LRP1B: variants seen among roughly 807,000 people sequenced by gnomAD.
The protein encoded by LRP1B is LDL receptor related protein 1B.
In LRP1B, 217 loss-of-function variants were observed where a neutral mutation model predicts 556.6. The observed-to-expected ratio is 0.39, with a 90% CI of 0.35 to 0.44. The LOEUF is 0.44. Ranked by LOEUF, LRP1B falls within the 20% of genes least tolerant of loss-of-function variation. LRP1B has a pLI of 1.00. For missense variants in LRP1B, 5,053 were observed against 5,620.8 expected, an observed-to-expected ratio of 0.90 and a Z score of 3.23; for synonymous variants, 2,047 against 1,865.8, an observed-to-expected ratio of 1.10 and a Z score of -2.50.
intron 1 of LRP1B, among the ~76,000 whole-genome samples, chr2:141,881,300 A>G (rs1171022217): frequency 6.6e-6 from 1 of 152,126 alleles, no homozygotes; most frequent in Non-Finnish European, 1.5e-5. Flanking sequence ...TTAAAGTTTC[A>G]AAGTAACTGA....
In LRP1B at chr2:140,845,181, A is replaced by G. The variant is rs80113677; in HGVS notation, c.4940-4089T>C. ...AAACACAAACACCTGAATTCCTAAG[A>G]ACAGGTCTCTACTGTGCTACTAGAA... On this transcript the variant is annotated intron_variant, in intron 29 of 90. Transcript: ENST00000389484. Among the ~76,000 whole-genome samples, 749 of 152,310 alleles carry G rather than the reference A, an allele frequency of 4.9e-3. 9 individuals are homozygous for G. The highest frequency in any genetic ancestry group is 7.9e-3 in the Admixed American group (121 of 15,294).
chr2:140,342,393 C>A (rs1681441661), intron 77 of LRP1B, among the ~76,000 whole-genome samples: 2 of 151,460 alleles, frequency 1.3e-5, no homozygotes, highest in Admixed American at 6.6e-5. Context: ...TTATTAGGAT[C>A]TCTATCATAG....
chr2:141,418,390 C>T (rs1237618774), intron 3 of LRP1B, among the ~76,000 whole-genome samples: 1 of 150,930 alleles, frequency 6.6e-6, no homozygotes, highest in Non-Finnish European at 1.5e-5. Flanking sequence ...GTCTTTCATC[C>T]ATTTGGAGTT....
chr2:141,366,613 G>A (rs1689043075), intron 3 of LRP1B, among the ~76,000 whole-genome samples: 1 of 152,074 alleles, frequency 6.6e-6, no homozygotes, highest in Non-Finnish European at 1.5e-5. Flanking sequence ...CCCTTCCTCA[G>A]TTTTTAGCCT....
At chr2:141,483,351 C>G (rs1452654060) in intron 2 of LRP1B, among the ~76,000 whole-genome samples, 1 of 149,300 alleles carries the variant, frequency 6.7e-6, no homozygotes, top group African/African-American at 2.5e-5. Context: ...TTTGCTTAAT[C>G]CAGTCTATCC....
intron 52 of LRP1B, among the ~76,000 whole-genome samples, chr2:140,507,292 T>C (rs1348511583): frequency 6.6e-6 from 1 of 152,146 alleles, no homozygotes; most frequent in Non-Finnish European, 1.5e-5. Flanking sequence ...CCTACAGTAA[T>C]GCTGGTAAAG....
chr2:140,977,431 C>T (rs1198110818), intron 18 of LRP1B, among the ~76,000 whole-genome samples: 1 of 152,100 alleles, frequency 6.6e-6, no homozygotes. Flanking sequence ...TGGACTAATA[C>T]ATATGGGAAG....
intron 2 of LRP1B, among the ~76,000 whole-genome samples, chr2:141,732,230 G>C (rs1246567152): frequency 6.6e-6 from 1 of 152,046 alleles, no homozygotes; most frequent in Non-Finnish European, 1.5e-5. Context: ...TACAACGTTG[G>C]GGAATTACTA....
intron 7 of LRP1B, among the ~76,000 whole-genome samples, chr2:141,154,481 T>G (rs562668708): frequency 1.3e-5 from 2 of 152,014 alleles, no homozygotes; most frequent in African/African-American, 4.8e-5. Flanking sequence ...TGTCACAGCT[T>G]CAAATTTTTC....
intron 83 of LRP1B, among the ~76,000 whole-genome samples, chr2:140,313,868 A>C (rs1457803151): frequency 6.6e-6 from 1 of 151,892 alleles, no homozygotes; most frequent in African/African-American, 2.4e-5. Flanking sequence ...CAATCTAATC[A>C]AACTCCTGAT....
At chr2:140,261,356 G>C (rs1386280153) in intron 86 of LRP1B, among the ~76,000 whole-genome samples, 1 of 151,754 alleles carries the variant, frequency 6.6e-6, no homozygotes, top group East Asian at 1.9e-4. Flanking sequence ...AGGGAAATGG[G>C]ACACACAGAG....
chr2:140,413,732 A>G (rs1036637704), intron 66 of LRP1B, among the ~76,000 whole-genome samples: 7 of 152,344 alleles, frequency 4.6e-5, no homozygotes, highest in South Asian at 2.1e-4. Context: ...GCAAAATATC[A>G]TCTCCACTTC....
chr2:140,468,358 A>C (rs762984209), intron 60 of LRP1B, among the ~76,000 whole-genome samples: 5 of 152,222 alleles, frequency 3.3e-5, no homozygotes, highest in Non-Finnish European at 7.3e-5. Flanking sequence ...ATGCCACAGA[A>C]AGCCTTGGGG....
chr2:140,742,584 T>C (rs1688178021), intron 35 of LRP1B, among the ~76,000 whole-genome samples: 1 of 151,976 alleles, frequency 6.6e-6, no homozygotes, highest in Admixed American at 6.6e-5. Flanking sequence ...TGAAACAGAA[T>C]TATATTTTTT....
chr2:141,402,784 T>G (rs1690494539), intron 3 of LRP1B, among the ~76,000 whole-genome samples: 1 of 152,116 alleles, frequency 6.6e-6, no homozygotes, highest in Admixed American at 6.5e-5. Flanking sequence ...TTTGGAGAAT[T>G]TATTGAGATA....
chr2:141,661,560 C>T (rs1001464122), intron 2 of LRP1B, among the ~76,000 whole-genome samples: 2 of 152,016 alleles, frequency 1.3e-5, no homozygotes, highest in Non-Finnish European at 2.9e-5. Context: ...CTGAAAAGAC[C>T]AAATGGAGGA....
intron 35 of LRP1B, among the ~76,000 whole-genome samples, chr2:140,766,859 T>TATATATATATATTATATATATATA (rs1689137196): frequency 3.4e-3 from 173 of 50,176 alleles, no homozygotes; most frequent in African/African-American, 7.3e-3. Context: ...TATATATATA[T>TATATATATATATTATATATATATA]ATATATAATA....
At chr2:140,506,290 G>A (rs1689408843) in intron 53 of LRP1B, among the ~76,000 whole-genome samples, 1 of 151,950 alleles carries the variant, frequency 6.6e-6, no homozygotes, top group African/African-American at 2.4e-5. Flanking sequence ...TGTCACCCAG[G>A]CTGGAGTGCA....
At chr2:140,900,232 A>T (rs1694066345) in intron 23 of LRP1B, among the ~76,000 whole-genome samples, 1 of 152,218 alleles carries the variant, frequency 6.6e-6, no homozygotes, top group Non-Finnish European at 1.5e-5. Flanking sequence ...TATTTATTTC[A>T]TATGGTATAT....
Sources: allele counts gnomAD v4.1 joint callset (sites outside exome capture counted in the v4.1 genomes callset), GRCh38; gene constraint gnomAD v4.1.1; transcripts MANE v1.5; gene names NCBI Gene and HGNC (gene_info 2026-07-23, HGNC 2026-07-21).